The following ERO1A variants were observed in gnomAD, a reference collection of about 807,000 sequenced individuals.
ERO1A encodes ERO1-like protein alpha.
A neutral mutation model predicts 76.9 loss-of-function variants in ERO1A; 49 were observed. That is an observed-to-expected ratio of 0.64 (90% confidence interval 0.51 to 0.81). ERO1A has a LOEUF of 0.81. Ranked by LOEUF, ERO1A falls within the 30% of genes least tolerant of loss-of-function variation. The pLI is 0.00. For missense variants in ERO1A, 448 were observed against 542.1 expected (o/e 0.83, Z 1.72); for synonymous variants, 174 against 181.2 (o/e 0.96, Z 0.32).
At chr14:52,678,283 AAAAC>A (rs1205191638) in intron 4 of ERO1A, 147 bp downstream of exon 4, 18 of 523,748 alleles carry the variant, frequency 3.4e-5, no homozygotes, top group Non-Finnish European at 5.2e-5. Flanking sequence ...ATGTTAAACA[AAAAC>A]AAACAGAAAG....
intron 7 of ERO1A, 39 bp from the exon 8 acceptor site, chr14:52,663,886 GT>G: frequency 8.6e-7 from 1 of 1,158,836 alleles, no homozygotes; most frequent in Non-Finnish European, 1.3e-6. Flanking sequence ...ACACAAATAT[GT>G]TACCAATCAT....
chr14:52,684,116 A>G lies in ERO1A; in HGVS notation c.115-209T>C, dbSNP rs1187791465. On this transcript the variant is annotated intron_variant, in intron 1 of 15. Coordinates refer to ENST00000395686, the MANE Select transcript of ERO1A (RefSeq NM_014584.3). ...GAGGAATGGAAGGTGTGCAGAGCTCATGACACACACACACACACACACACA... is the reference window on the plus strand; with the variant it reads ...GAGGAATGGAAGGTGTGCAGAGCTCGTGACACACACACACACACACACACA... Among the ~76,000 whole-genome samples the G allele has an allele frequency of 3.5e-5, 3 of 85,966 alleles. No homozygotes were observed. The East Asian group carries it at 1.3e-3, about 38-fold the overall frequency. The allele number at this position is 85,966 out of a possible 152,430, so 56.4% of individuals were successfully genotyped here. A position where few individuals can be genotyped will look rare whatever the true frequency, so the allele number is the denominator to read the frequency against.
intron 13 of ERO1A, among the ~76,000 whole-genome samples, chr14:52,650,480 T>C (rs2039818942): frequency 7.6e-6 from 1 of 132,134 alleles, no homozygotes; most frequent in African/African-American, 3.0e-5. Flanking sequence ...GTACTAATTT[T>C]AAACCTACTT....
chr14:52,656,363 T>G (rs1421406550), intron 11 of ERO1A, among the ~76,000 whole-genome samples: 1 of 152,140 alleles, frequency 6.6e-6, no homozygotes, highest in African/African-American at 2.4e-5. Context: ...CTTCTGAATA[T>G]AAACATATTC....
In ERO1A at chr14:52,646,424, A is replaced by G. The variant is rs1425118971; in HGVS notation, c.1163T>C (p.Ile388Thr). 1 of 1,612,400 alleles carries G rather than the reference A, an allele frequency of 6.2e-7. No homozygotes were observed. The highest frequency in any genetic ancestry group is 2.2e-5 in the East Asian group (1 of 44,826). ...TTTAAAACAACCAACACAATCCATA[A>G]TTCTTGAAATATTTCTAAAATGCAG... ...FRLHFRNISR[I>T]MDCVGCFKCR... Residue 388 changes from isoleucine (I) to threonine (T), a missense_variant, in exon 14 of 16, where the codon ATT (isoleucine) becomes ACT (threonine). This residue lies in a region of ERO1A where 302 missense variants were observed against 411.9 expected (regional missense o/e 0.73). Coordinates refer to ENST00000395686, the MANE Select transcript of ERO1A (RefSeq NM_014584.3).
chr14:52,694,847 A>G (rs2041493410), intron 1 of ERO1A, among the ~76,000 whole-genome samples: 1 of 152,198 alleles, frequency 6.6e-6, no homozygotes, highest in Non-Finnish European at 1.5e-5. Flanking sequence ...CTGCAGTCCC[A>G]AAGACATCAG....
At chr14:52,660,283 G>A (rs550096418) in intron 9 of ERO1A, among the ~76,000 whole-genome samples, 35 of 151,418 alleles carry the variant, frequency 2.3e-4, no homozygotes, top group African/African-American at 8.4e-4. Context: ...GTTTCTCTAA[G>A]GATGGCTCCC....
intron 13 of ERO1A, among the ~76,000 whole-genome samples, chr14:52,650,985 G>A (rs189007951): frequency 2.7e-4 from 41 of 152,068 alleles, no homozygotes; most frequent in South Asian, 8.3e-4. Context: ...TAAGATGAAC[G>A]GCAGGGGGTG....
chr14:52,687,464 G>T (rs909242198), intron 1 of ERO1A, among the ~76,000 whole-genome samples: 2 of 152,110 alleles, frequency 1.3e-5, no homozygotes, highest in African/African-American at 4.8e-5. Context: ...TCAGGAAAGG[G>T]CTAAGGTAAA....
At chr14:52,669,544 G>T (rs1287724014) in intron 6 of ERO1A, among the ~76,000 whole-genome samples, 1 of 152,088 alleles carries the variant, frequency 6.6e-6, no homozygotes, top group East Asian at 1.9e-4. Context: ...GCGTGTCTCG[G>T]CTGGAATGAA....
At chr14:52,648,826 AGGCAT>A (rs2039758439) in intron 13 of ERO1A, among the ~76,000 whole-genome samples, 1 of 152,228 alleles carries the variant, frequency 6.6e-6, no homozygotes, top group African/African-American at 2.4e-5. Flanking sequence ...TACAGAGAGC[AGGCAT>A]GGCTGCTTAC....
chr14:52,694,838 T>C (rs1322899482), intron 1 of ERO1A, among the ~76,000 whole-genome samples: 2 of 152,150 alleles, frequency 1.3e-5, no homozygotes, highest in Non-Finnish European at 2.9e-5. Context: ...AGAGGGCAAC[T>C]GCAGTCCCAA....
chr14:52,678,921 C>A lies in ERO1A; in HGVS notation c.319-449G>T, dbSNP rs78438477. Among the ~76,000 whole-genome samples, 763 of 152,202 alleles carry A rather than the reference C, an allele frequency of 5.0e-3. 3 individuals carry two copies. Among genetic ancestry groups the A allele is most frequent in the African/African-American group, 0.017 (702 of 41,520 alleles). ...TCATGGAGACAGATCTCTCATGAAC[C>A]GCTTGGTGCCATCTCTGAGGTAATG... is the stretch of plus-strand genomic sequence containing the variant. On this transcript the variant is annotated intron_variant, in intron 3 of 15. Transcript: ENST00000395686.
intron 7 of ERO1A, 69 bp downstream of exon 7, chr14:52,666,303 CATT>C (rs2040408415): frequency 9.2e-7 from 1 of 1,091,902 alleles, no homozygotes; most frequent in Non-Finnish European, 1.3e-6. Context: ...AATTTTAAAT[CATT>C]ATGATTTTGT....
intron 11 of ERO1A, among the ~76,000 whole-genome samples, chr14:52,655,871 C>T (rs951285649): frequency 1.1e-4 from 16 of 152,090 alleles, no homozygotes; most frequent in African/African-American, 3.9e-4. Context: ...CAGTGGCTTT[C>T]ATACCATTAC....
At chr14:52,659,759 C>CT (rs2139671357) in intron 9 of ERO1A, among the ~76,000 whole-genome samples, 1 of 149,010 alleles carries the variant, frequency 6.7e-6, no homozygotes, top group African/African-American at 2.5e-5. Flanking sequence ...GATAATACTG[C>CT]TTAGGACCTA....
intron 4 of ERO1A, among the ~76,000 whole-genome samples, chr14:52,673,634 A>G (rs1351468115): frequency 6.6e-6 from 1 of 152,254 alleles, no homozygotes; most frequent in Non-Finnish European, 1.5e-5. Context: ...AGTAAGTACT[A>G]TCATACTAAA....
intron 2 of ERO1A, among the ~76,000 whole-genome samples, chr14:52,682,718 G>A (rs2041040555): frequency 6.6e-6 from 1 of 152,066 alleles, no homozygotes; most frequent in Non-Finnish European, 1.5e-5. Flanking sequence ...GGCCAACGTG[G>A]CGAAACCCCG....
At position 52,683,208 on chromosome 14, in the gene ERO1A, C is replaced by CA. The variant is rs1239228947; in HGVS notation, c.234+579dup. Among the ~76,000 whole-genome samples, 1,119 of 140,454 alleles carry CA rather than the reference C, an allele frequency of 8.0e-3. 6 individuals carry two copies. Among genetic ancestry groups the CA allele is most frequent in the Non-Finnish European group, 0.012 (775 of 64,284 alleles). The allele number at this position is 140,454 out of a possible 152,430, so 92.1% of individuals were successfully genotyped here. A position where few individuals can be genotyped will look rare whatever the true frequency, so the allele number is the denominator to read the frequency against. ...TGGGTGACAAAGCAAGATTCTGTCT[C>CA]AAAAAAAAAAAGACACAGACTGCCA... is the stretch of plus-strand genomic sequence containing the variant. On this transcript the variant is annotated intron_variant, in intron 2 of 15. Coordinates refer to ENST00000395686, the MANE Select transcript of ERO1A (RefSeq NM_014584.3).
Sources: allele counts gnomAD v4.1 joint callset (sites outside exome capture counted in the v4.1 genomes callset), GRCh38; gene constraint gnomAD v4.1.1; regional missense constraint gnomAD v4.1.1; transcripts MANE v1.5; gene names NCBI Gene and HGNC (gene_info 2026-07-23, HGNC 2026-07-21).